The following LAP3 variants were observed in gnomAD, a reference collection of about 807,000 sequenced individuals.
The protein encoded by LAP3 is leucine aminopeptidase 3.
Under a neutral mutation model 58.8 loss-of-function variants are expected in LAP3, and 46 were observed. That is an observed-to-expected ratio of 0.78 (90% CI 0.62 to 1.00). The LOEUF (loss-of-function observed/expected upper bound fraction) is 1.00. Among genes scored for constraint, LAP3 ranks in the 50% least tolerant of loss-of-function variants. The pLI is 0.00. For missense variants in LAP3, 615 were observed against 659.1 expected, an observed-to-expected ratio of 0.93 and a Z score of 0.73; for synonymous variants, 257 against 237.7, an observed-to-expected ratio of 1.08 and a Z score of -0.75.
At position 17,597,262 on chromosome 4, in the gene LAP3, G is replaced by A. The variant is rs530896047; in HGVS notation, c.1077+128G>A. 425 of 761,600 alleles carry A rather than the reference G, an allele frequency of 5.6e-4. 8 individuals are homozygous for A. The South Asian group carries it at 6.2e-3, about 11-fold the overall frequency. 47.2% of individuals were successfully genotyped at this position (761,600 alleles called of 1,614,324 possible). On this transcript the variant is annotated intron_variant, in intron 9 of 12. Transcript: ENST00000226299. ...ATTAGGGGAGGGTGCTGTCTTTAGT[G>A]CTGGGTAGCCTTTCTTTTCCTTCCC...
chr4:17,580,185 T>TATGTA, intron 2 of LAP3, among the ~76,000 whole-genome samples: 2 of 32,078 alleles, frequency 6.2e-5, no homozygotes, highest in African/African-American at 3.6e-4. Flanking sequence ...TATATATGTA[T>TATGTA]TTTTTTTTTT....
chr4:17,583,683 G>A (rs878862371), intron 5 of LAP3, 41 bp downstream of exon 5: 19 of 1,609,522 alleles, frequency 1.2e-5, no homozygotes, highest in East Asian at 4.5e-5. Flanking sequence ...GCTCCCTGGC[G>A]TTCTGACAGC....
At chr4:17,580,185 T>TATATATATATATATATATATATATGTA in intron 2 of LAP3, among the ~76,000 whole-genome samples, 2 of 32,056 alleles carry the variant, frequency 6.2e-5, no homozygotes, top group African/African-American at 3.6e-4. Context: ...TATATATGTA[T>TATATATATATATATATATATATATGTA]TTTTTTTTTT....
At chr4:17,600,425 G>A (rs1296139773) in intron 10 of LAP3, among the ~76,000 whole-genome samples, 1 of 151,426 alleles carries the variant, frequency 6.6e-6, no homozygotes, top group Non-Finnish European at 1.5e-5. Context: ...GTTGGGGGAG[G>A]CACTGGCAGT....
chr4:17,590,233 G>A (rs949440252), intron 7 of LAP3, among the ~76,000 whole-genome samples: 1 of 152,210 alleles, frequency 6.6e-6, no homozygotes, highest in African/African-American at 2.4e-5. Flanking sequence ...TGGGAATCAT[G>A]TTACCTGGAA....
intron 11 of LAP3, among the ~76,000 whole-genome samples, chr4:17,605,667 T>C (rs746720002): frequency 2.7e-4 from 41 of 152,180 alleles, no homozygotes; most frequent in Non-Finnish European, 4.3e-4. Flanking sequence ...AAGCCCAATT[T>C]TCCCAGTTCT....
At chr4:17,604,813 A>G (rs1342980586) in intron 11 of LAP3, 146 bp downstream of exon 11, 8 of 664,178 alleles carry the variant, frequency 1.2e-5, no homozygotes, top group Non-Finnish European at 2.1e-5. Context: ...ACAGCAATAG[A>G]TTGAGTTCAG....
chr4:17,578,218 CTG>C (rs1187715237), intron 1 of LAP3, among the ~76,000 whole-genome samples: 2 of 152,224 alleles, frequency 1.3e-5, no homozygotes, highest in Admixed American at 6.5e-5. Flanking sequence ...AAAGAGATGA[CTG>C]TCCCTGCAGA....
At chr4:17,580,092 G>A (rs1261253506) in intron 2 of LAP3, among the ~76,000 whole-genome samples, 153 bp downstream of exon 2, 2 of 140,492 alleles carry the variant, frequency 1.4e-5, no homozygotes, top group Non-Finnish European at 3.0e-5. Context: ...CTGCCTCCTG[G>A]GTTCAGGTGG....
chr4:17,604,546 C>T (rs960099427), intron 10 of LAP3, 42 bp from the exon 11 acceptor site: 16 of 1,527,840 alleles, frequency 1.0e-5, no homozygotes, highest in Admixed American at 1.7e-5. Flanking sequence ...GCCCATTTTG[C>T]CTGGAGAGAC....
rs1215787845 is a variant in LAP3, at chr4:17,606,371, G to A, written c.1261-458G>A. 3.3e-5 allele frequency among the ~76,000 whole-genome samples: 5 copies of A among 151,876 alleles called. No individual in the cohort carries two copies. The East Asian group carries it at 5.8e-4, about 18-fold the overall frequency. ...TTATTTATTTTTGAGACGGAGCCTC[G>A]CTCTGTCGCCAGGCTGGAGTGCCGT... On this transcript the variant is annotated intron_variant, in intron 11 of 12. Coordinates refer to ENST00000226299, the MANE Select transcript of LAP3 (RefSeq NM_015907.3).
intron 10 of LAP3, among the ~76,000 whole-genome samples, chr4:17,600,695 T>C (rs1385216533): frequency 1.3e-5 from 2 of 152,176 alleles, no homozygotes; most frequent in Non-Finnish European, 2.9e-5. Flanking sequence ...CAAATACTAC[T>C]GAGCCCCTTC....
intron 6 of LAP3, chr4:17,585,432 G>T (rs1476878813): frequency 1.7e-5 from 3 of 174,932 alleles, no homozygotes; most frequent in Non-Finnish European, 3.4e-5. Context: ...GTGCAATTCA[G>T]TGATTTTTTT....
chr4:17,594,518 C>T lies in LAP3; in HGVS notation c.864-892C>T. On this transcript the variant is annotated intron_variant, in intron 7 of 12. Transcript: ENST00000226299. ...CTCAATTAGAACTTAGAGTCGAAGC[C>T]CCTGGCTCTGTGCTTGGCCTGTGAA... Among the ~76,000 whole-genome samples, 2 of 152,274 alleles carry T rather than the reference C, an allele frequency of 1.3e-5. 1 individual carries two copies. The highest frequency in any genetic ancestry group is 6.8e-3 in the Middle Eastern group (2 of 294).
At chr4:17,605,455 T>A (rs1714102220) in intron 11 of LAP3, among the ~76,000 whole-genome samples, 1 of 152,224 alleles carries the variant, frequency 6.6e-6, no homozygotes, top group Non-Finnish European at 1.5e-5. Flanking sequence ...AGTCCCAGCC[T>A]CTGTGTACCC....
rs115795634 is a variant in LAP3, at chr4:17,578,802, T to C, written c.103-1022T>C. On this transcript the variant is annotated intron_variant, in intron 1 of 12. Transcript: ENST00000226299. ...AGTGCTTAGCAGAGTGCTTCTACCC[T>C]CCCTAGGAAGTTGGTACTTCTCTTA... Among the ~76,000 whole-genome samples, 716 of 152,240 alleles carry C rather than the reference T, an allele frequency of 4.7e-3. 4 individuals carry two copies. Among genetic ancestry groups the C allele is most frequent in the African/African-American group, 0.017 (694 of 41,534 alleles).
intron 1 of LAP3, among the ~76,000 whole-genome samples, chr4:17,578,346 A>G (rs1355837103): frequency 3.3e-5 from 5 of 152,202 alleles, no homozygotes. Context: ...CCCAGATAAC[A>G]GTTGCTCAGT....
Position 17,607,723 on chromosome 4 carries a change from T to C in LAP3, c.*134T>C. 2 of 629,520 alleles carry C rather than the reference T, an allele frequency of 3.2e-6. No individual in the cohort carries two copies. Among genetic ancestry groups the C allele is most frequent in the East Asian group, 5.9e-5 (2 of 33,820 alleles). The allele number at this position is 629,520 out of a possible 1,614,324, so 39.0% of individuals were successfully genotyped here. The stretch of plus-strand genomic sequence containing the variant: ...TAAAAATGTAGAACACAATGAAATT[T>C]GTATGCCTTGATTTTTTTTTCATTT... On this transcript the variant is annotated 3_prime_UTR_variant, in exon 13 of 13. Coordinates refer to ENST00000226299, the MANE Select transcript of LAP3 (RefSeq NM_015907.3).
At chr4:17,604,849 C>T (rs1714080346) in intron 11 of LAP3, among the ~76,000 whole-genome samples, 182 bp downstream of exon 11, 1 of 152,066 alleles carries the variant, frequency 6.6e-6, no homozygotes, top group Non-Finnish European at 1.5e-5. Context: ...CACAAATGCT[C>T]CTAAAGGAGG....
Sources: gnomAD v4.1 joint callset for allele counts (sites outside exome capture counted in the v4.1 genomes callset) on GRCh38, gnomAD v4.1.1 for gene constraint, MANE v1.5 for transcripts, NCBI Gene and HGNC (gene_info 2026-07-23, HGNC 2026-07-21) for gene names.